The following MIOS variants were observed in gnomAD, a reference collection of about 807,000 sequenced individuals.
MIOS encodes the protein meiosis regulator for oocyte development, also known as GATOR2 complex protein MIOS.
Under a neutral mutation model 96.9 loss-of-function variants are expected in MIOS, and 52 were observed. The observed-to-expected ratio is 0.54, with a 90% CI of 0.43 to 0.68. The LOEUF is 0.68. MIOS is among the 30% of genes least tolerant of loss of function. The probability of loss-of-function intolerance (pLI) is 0.00; values close to 1 mark genes in which losing one functional copy is unlikely to be tolerated. For missense variants in MIOS, 1,005 were observed against 1,052.8 expected, an observed-to-expected ratio of 0.95 and a Z score of 0.63; for synonymous variants, 397 against 359.5, an observed-to-expected ratio of 1.10 and a Z score of -1.18.
intron 5 of MIOS, chr7:7,581,957 AGTTACAGATTCTACCT>A (rs1297313254): frequency 1.5e-5 from 2 of 134,334 alleles, no homozygotes; most frequent in Non-Finnish European, 3.1e-5. Context: ...TCTCGAGACA[AGTTACAGATTCTACCT>A]GTACGCAAGG....
intron 3 of MIOS, among the ~76,000 whole-genome samples, chr7:7,568,858 A>AT (rs765813806): frequency 4.0e-4 from 61 of 152,194 alleles, no homozygotes; most frequent in Non-Finnish European, 7.5e-4. Context: ...CTGTCATCAG[A>AT]TTTTGTGGAT....
At chr7:7,587,661 G>C (rs1375950550) in intron 7 of MIOS, among the ~76,000 whole-genome samples, 1 of 152,030 alleles carries the variant, frequency 6.6e-6, no homozygotes, top group Non-Finnish European at 1.5e-5. Context: ...CTGAATCTAA[G>C]AGTTAAATCT....
intron 5 of MIOS, among the ~76,000 whole-genome samples, chr7:7,580,976 G>C (rs75311406): frequency 1.4e-4 from 21 of 147,998 alleles, no homozygotes; most frequent in East Asian, 6.2e-4. Context: ...CATGAGCCAC[G>C]GTGCCTGGCC....
At chr7:7,606,200 G>C in intron 12 of MIOS, 129 bp downstream of exon 12, 1 of 1,198,014 alleles carries the variant, frequency 8.3e-7, no homozygotes, top group Non-Finnish European at 1.2e-6. Context: ...TGTCACTCAT[G>C]TTAACAAAGG....
At position 7,583,328 on chromosome 7, in the gene MIOS, G is replaced by T; in HGVS notation, c.1604G>T (p.Arg535Leu). ...AAVALFNLDIRRAIQILNEGA... is the reference protein window; with the variant it reads ...AAVALFNLDILRAIQILNEGA... ...GTGGCATTGTTCAACTTGGATATTCGCCGAGCAATCCAAATCCTGAATGAA... is the reference window on the plus strand; with the variant it reads ...GTGGCATTGTTCAACTTGGATATTCTCCGAGCAATCCAAATCCTGAATGAA... Residue 535 changes from arginine to leucine, a missense_variant, in exon 6 of 13, where the codon CGC (arginine) becomes CTC (leucine). This residue lies in a region of MIOS where 865 missense variants were observed against 887.9 expected (regional missense o/e 0.97). Transcript: ENST00000340080. 6.2e-7 allele frequency: 1 copy of T among 1,613,610 alleles called. No individual in the cohort carries two copies. Among genetic ancestry groups the T allele is most frequent in the Non-Finnish European group, 8.5e-7 (1 of 1,179,692 alleles).
intron 11 of MIOS, among the ~76,000 whole-genome samples, chr7:7,602,533 C>G (rs1784409826): frequency 6.6e-6 from 1 of 152,092 alleles, no homozygotes; most frequent in Middle Eastern, 3.2e-3. Context: ...TGAAGGACCT[C>G]TTCAAGGAGA....
intron 11 of MIOS, among the ~76,000 whole-genome samples, chr7:7,602,553 T>C (rs930172597): frequency 1.1e-4 from 16 of 151,918 alleles, no homozygotes; most frequent in Admixed American, 9.2e-4. Context: ...AACTACAAAC[T>C]ACTGCTCAAG....
intron 11 of MIOS, among the ~76,000 whole-genome samples, chr7:7,602,790 G>A (rs1282198033): frequency 6.6e-6 from 1 of 151,874 alleles, no homozygotes; most frequent in African/African-American, 2.4e-5. Flanking sequence ...GAACAAAGCC[G>A]GAGGCATCAC....
At chr7:7,599,566 G>T (rs1278948538) in intron 11 of MIOS, among the ~76,000 whole-genome samples, 1 of 152,194 alleles carries the variant, frequency 6.6e-6, no homozygotes, top group East Asian at 1.9e-4. Context: ...CGTCCAGGTT[G>T]CAGACCAAGT....
chr7:7,574,572 T>C (rs533097874), intron 5 of MIOS, among the ~76,000 whole-genome samples: 16 of 152,276 alleles, frequency 1.1e-4, no homozygotes, highest in Admixed American at 2.6e-4. Context: ...GATCTCTAAT[T>C]GAAGGAGATC....
rs142504627 is a variant in MIOS, at chr7:7,589,707, A to G, written c.2043+144A>G. The G allele has an allele frequency of 4.7e-3, 3,898 of 837,386 alleles. 12 individuals carry two copies. Among genetic ancestry groups the G allele is most frequent in the Non-Finnish European group, 5.9e-3 (3,314 of 561,920 alleles). The allele number at this position is 837,386 out of a possible 1,614,324, so 51.9% of individuals were successfully genotyped here. On this transcript the variant is annotated intron_variant, in intron 9 of 12. Transcript: ENST00000340080. The stretch of plus-strand genomic sequence containing the variant: ...AACCTAATCAGTTGATCTACTGAAG[A>G]CTTGTGCCTTATCTTACTGTCCCTA...
chr7:7,581,717 C>G (rs140187760), intron 5 of MIOS: 5 of 152,206 alleles, frequency 3.3e-5, no homozygotes, highest in Admixed American at 6.5e-5. Context: ...TTCCTTGCCA[C>G]GTGGCCTTCT....
At chr7:7,597,687 G>GT (rs1447190237) in intron 11 of MIOS, among the ~76,000 whole-genome samples, 113 of 148,882 alleles carry the variant, frequency 7.6e-4, no homozygotes, top group Admixed American at 2.8e-3. Flanking sequence ...CACAGTGTTC[G>GT]TTTTTGTTTG....
intron 11 of MIOS, chr7:7,605,665 T>A (rs1784508964): frequency 3.9e-6 from 1 of 255,828 alleles, no homozygotes; most frequent in Admixed American, 5.1e-5. Flanking sequence ...GTGGAAAGAT[T>A]TTAAACTACT....
At chr7:7,568,376 G>C (rs1232370291) in intron 3 of MIOS, among the ~76,000 whole-genome samples, 1 of 152,152 alleles carries the variant, frequency 6.6e-6, no homozygotes, top group Admixed American at 6.5e-5. Context: ...GATCTGAGCT[G>C]GGGAGTGGCT....
At chr7:7,581,946 A>C (rs566273884) in intron 5 of MIOS, 1 of 143,438 alleles carries the variant, frequency 7.0e-6, no homozygotes, top group African/African-American at 2.6e-5. Flanking sequence ...GTATTCTGTT[A>C]TCTCGAGACA....
At chr7:7,582,909 C>T (rs1783775473) in intron 5 of MIOS, 1 of 544,898 alleles carries the variant, frequency 1.8e-6, no homozygotes, top group Non-Finnish European at 3.0e-6. Flanking sequence ...GCTCTTATTT[C>T]AGTAGTTCTT....
chr7:7,591,976 AT>A (rs1228363962), intron 9 of MIOS, among the ~76,000 whole-genome samples: 2 of 104,632 alleles, frequency 1.9e-5, no homozygotes, highest in Non-Finnish European at 3.8e-5. Context: ...TATTCTTCAA[AT>A]TGGTTAATTT....
chr7:7,588,399 T>G (rs1471231168), intron 7 of MIOS, 99 bp from the exon 8 acceptor site: 2 of 579,500 alleles, frequency 3.5e-6, no homozygotes, highest in Non-Finnish European at 5.5e-6. Context: ...AATTTGGAAA[T>G]AAACATATTC....
Sources: allele counts gnomAD v4.1 joint callset (sites outside exome capture counted in the v4.1 genomes callset), GRCh38; gene constraint gnomAD v4.1.1; regional missense constraint gnomAD v4.1.1; transcripts MANE v1.5; gene names NCBI Gene and HGNC (gene_info 2026-07-23, HGNC 2026-07-21).